GMCL1: variants seen among roughly 807,000 people sequenced by gnomAD.
GMCL1 encodes germ cell-less protein-like 1.
A neutral mutation model predicts 75.5 loss-of-function variants in GMCL1; 54 were observed. That is an observed-to-expected ratio of 0.71 (90% CI 0.57 to 0.90). The LOEUF (loss-of-function observed/expected upper bound fraction) is 0.90, where lower values mean the gene tolerates loss of function less well. GMCL1 is among the 40% of genes least tolerant of loss of function. The probability of loss-of-function intolerance (pLI) is 0.00; values close to 1 mark genes in which losing one functional copy is unlikely to be tolerated. For synonymous variants in GMCL1, 210 were observed against 209.6 expected (o/e 1.00, Z -0.02); for missense variants, 537 against 622.7 (o/e 0.86, Z 1.47).
At chr2:69,869,124 C>CT (rs1206448802) in intron 11 of GMCL1, among the ~76,000 whole-genome samples, 7 of 151,968 alleles carry the variant, frequency 4.6e-5, no homozygotes, top group Non-Finnish European at 1.0e-4. Flanking sequence ...TGGCGCATGC[C>CT]TGTAATCCCA....
rs757864491 is a variant in GMCL1, at chr2:69,841,055, A to G, written c.579+16A>G. 3 of 1,572,988 alleles carry G rather than the reference A, an allele frequency of 1.9e-6. No homozygotes were observed. Among genetic ancestry groups the G allele is most frequent in the East Asian group, 4.5e-5 (2 of 44,696 alleles). On this transcript the variant is annotated intron_variant, in intron 4 of 13. Transcript: ENST00000282570. ...GCTGCAGTTGGTAAGTATGCACGTT[A>G]TTCGAAGAAAGGTTCAGAATAATAA...
intron 12 of GMCL1, 112 bp downstream of exon 12, chr2:69,869,976 G>A: frequency 9.6e-7 from 1 of 1,041,014 alleles, no homozygotes; most frequent in Admixed American, 2.7e-5. Flanking sequence ...TACAGTATAT[G>A]TGGAAGTGGT....
chr2:69,878,862 TTTTTA>T, intron 13 of GMCL1, 42 bp from the exon 14 acceptor site: 1 of 1,387,910 alleles, frequency 7.2e-7, no homozygotes. Context: ...TGGTTTTTTG[TTTTTA>T]TTTTATCTAA....
At chr2:69,877,704 G>T (rs1558554835) in intron 13 of GMCL1, among the ~76,000 whole-genome samples, 1 of 80,804 alleles carries the variant, frequency 1.2e-5, no homozygotes, top group East Asian at 4.8e-4. Flanking sequence ...GAGATTGTGT[G>T]TTTGTGTGTG....
At chr2:69,865,155 C>T (rs1392694923) in intron 11 of GMCL1, among the ~76,000 whole-genome samples, 180 bp downstream of exon 11, 2 of 152,182 alleles carry the variant, frequency 1.3e-5, no homozygotes, top group Non-Finnish European at 2.9e-5. Context: ...TGATTGATTA[C>T]TTGGCCTTGT....
intron 9 of GMCL1, 134 bp downstream of exon 9, chr2:69,855,094 G>T: frequency 1.6e-6 from 1 of 642,858 alleles, no homozygotes; most frequent in Non-Finnish European, 2.5e-6. Context: ...TGCCAAAGTG[G>T]AATCATCCTA....
At chr2:69,846,553 G>C (rs1409443811) in intron 6 of GMCL1, among the ~76,000 whole-genome samples, 1 of 152,170 alleles carries the variant, frequency 6.6e-6, no homozygotes, top group African/African-American at 2.4e-5. Context: ...GATACAGGGG[G>C]ATGACTCTAA....
chr2:69,839,007 C>T (rs1202590048), intron 2 of GMCL1, among the ~76,000 whole-genome samples: 1 of 152,168 alleles, frequency 6.6e-6, no homozygotes, highest in East Asian at 1.9e-4. Flanking sequence ...CTGTACCTTT[C>T]CAAGAATTCA....
At chr2:69,833,525 A>G (rs1674732957) in intron 1 of GMCL1, among the ~76,000 whole-genome samples, 1 of 152,236 alleles carries the variant, frequency 6.6e-6, no homozygotes, top group Non-Finnish European at 1.5e-5. Context: ...CTGAGGCAGG[A>G]GAATTACCTG....
chr2:69,874,237 C>T (rs1431097296), intron 13 of GMCL1, among the ~76,000 whole-genome samples: 1 of 152,148 alleles, frequency 6.6e-6, no homozygotes, highest in Non-Finnish European at 1.5e-5. Flanking sequence ...TCCAAAGCTA[C>T]TGTCCAATTT....
chr2:69,876,161 A>G (rs781124825), intron 13 of GMCL1, among the ~76,000 whole-genome samples: 1 of 152,204 alleles, frequency 6.6e-6, no homozygotes, highest in Non-Finnish European at 1.5e-5. Context: ...AATGTGTAGG[A>G]AGGATTAAAG....
intron 13 of GMCL1, among the ~76,000 whole-genome samples, chr2:69,876,909 G>A (rs941046340): frequency 6.6e-6 from 1 of 152,222 alleles, no homozygotes; most frequent in South Asian, 2.1e-4. Flanking sequence ...GATCACTTGA[G>A]CCTGGGAGGC....
In GMCL1 at chr2:69,829,681, G is replaced by T; in HGVS notation, c.-212G>T. ...CCGCGCTTTGTTGCGAAAGCGAGGGGGCGAGGTGCTGCGGTGCTAGAGCGC... is the reference window on the plus strand; with the variant it reads ...CCGCGCTTTGTTGCGAAAGCGAGGGTGCGAGGTGCTGCGGTGCTAGAGCGC... On this transcript the variant is annotated 5_prime_UTR_variant, in exon 1 of 14. Coordinates refer to ENST00000282570, the MANE Select transcript of GMCL1 (RefSeq NM_178439.5). 3.7e-6 allele frequency: 2 copies of T among 542,918 alleles called. No individual in the cohort carries two copies. Among genetic ancestry groups the T allele is most frequent in the Non-Finnish European group, 3.2e-6 (1 of 316,570 alleles). 33.6% of individuals were successfully genotyped at this position (542,918 alleles called of 1,614,324 possible).
intron 12 of GMCL1, among the ~76,000 whole-genome samples, chr2:69,870,656 CT>C (rs2104048819): frequency 6.6e-6 from 1 of 152,194 alleles, no homozygotes; most frequent in Non-Finnish European, 1.5e-5. Flanking sequence ...TCCTACAACT[CT>C]ATAATTTAAA....
chr2:69,869,912 A>G (rs960180093), intron 12 of GMCL1, 48 bp downstream of exon 12: 14 of 1,575,440 alleles, frequency 8.9e-6, no homozygotes, highest in Non-Finnish European at 9.5e-6. Flanking sequence ...CAGAGAAAAT[A>G]TAAGAAATAA....
At position 69,837,760 on chromosome 2, in the gene GMCL1, A is replaced by G. The variant is rs534260289; in HGVS notation, c.384+90A>G. 38 of 1,404,394 alleles carry G rather than the reference A, an allele frequency of 2.7e-5. No homozygotes were observed. The East Asian group carries it at 3.8e-4, about 14-fold the overall frequency. The allele number at this position is 1,404,394 out of a possible 1,614,324, so 87.0% of individuals were successfully genotyped here. ...ATTGCACTTCACAGTAATCTTTTGC[A>G]TGAACACCATAGTGGTTAAATCCTC... On this transcript the variant is annotated intron_variant, in intron 2 of 13. Transcript: ENST00000282570.
chr2:69,868,711 C>T (rs1675890964), intron 11 of GMCL1, among the ~76,000 whole-genome samples: 1 of 151,042 alleles, frequency 6.6e-6, no homozygotes, highest in Non-Finnish European at 1.5e-5. Flanking sequence ...CCACACCCAG[C>T]CCTTAAGAGT....
At chr2:69,855,058 T>G (rs1205922956) in intron 9 of GMCL1, 98 bp downstream of exon 9, 1 of 1,000,548 alleles carries the variant, frequency 1.0e-6, no homozygotes, top group African/African-American at 1.7e-5. Flanking sequence ...AAATTATTAT[T>G]AATCCCAAAA....
rs1558551388 is a variant in GMCL1, at chr2:69,869,710, A to G, written c.1219-9A>G. On this transcript the variant is annotated splice_polypyrimidine_tract_variant and intron_variant, in intron 11 of 13. Coordinates refer to ENST00000282570, the MANE Select transcript of GMCL1 (RefSeq NM_178439.5). The stretch of plus-strand genomic sequence containing the variant: ...AACTGAAATAAGTCTTCTCTCTTGT[A>G]TTTTTTAGTACTGCTGGCGTTGGAC... 2 of 1,611,952 alleles carry G rather than the reference A, an allele frequency of 1.2e-6. No individual in the cohort carries two copies. Among genetic ancestry groups the G allele is most frequent in the Admixed American group, 3.4e-5 (2 of 59,540 alleles).
Sources: allele counts gnomAD v4.1 joint callset (sites outside exome capture counted in the v4.1 genomes callset), GRCh38; gene constraint gnomAD v4.1.1; transcripts MANE v1.5; gene names NCBI Gene and HGNC (gene_info 2026-07-23, HGNC 2026-07-21).